CUX1: variants seen among roughly 807,000 people sequenced by gnomAD.
The protein encoded by CUX1 is cut like homeobox 1.
Under a neutral mutation model 158.8 loss-of-function variants are expected in CUX1, and 31 were observed. The ratio of observed to expected loss-of-function variants is 0.20; its 90% confidence interval spans 0.15 to 0.26. CUX1 has a LOEUF of 0.26. Ranked by LOEUF, CUX1 falls within the 10% of genes least tolerant of loss-of-function variation. The probability of loss-of-function intolerance (pLI) is 1.00; values close to 1 mark genes in which losing one functional copy is unlikely to be tolerated. For synonymous variants in CUX1, 879 were observed against 862.1 expected (o/e 1.02, Z -0.34); for missense variants, 1,589 against 2,014.6 (o/e 0.79, Z 4.04).
At chr7:102,282,956 A>G (rs1241542861) in intron 22 of CUX1, 3 of 966,632 alleles carry the variant, frequency 3.1e-6, no homozygotes, top group East Asian at 3.5e-5. Context: ...ACCCCATCAC[A>G]TGGTACACAC....
intron 4 of CUX1, among the ~76,000 whole-genome samples, chr7:102,082,738 C>G (rs1554479227): frequency 6.8e-6 from 1 of 147,254 alleles, no homozygotes; most frequent in Non-Finnish European, 1.5e-5. Context: ...TGGCCTCTTT[C>G]ACTCAGCGCG....
rs140940307 is a variant in CUX1, at chr7:102,031,927, C to CTT, written c.189+3795_189+3796dup. Among the ~76,000 whole-genome samples, 105 of 143,332 alleles carry CTT rather than the reference C, an allele frequency of 7.3e-4. 1 individual carries two copies. The South Asian group carries it at 9.5e-3, about 13-fold the overall frequency. 94.0% of individuals were successfully genotyped at this position (143,332 alleles called of 152,430 possible). A position where few individuals can be genotyped will look rare whatever the true frequency, so the allele number is the denominator to read the frequency against. ...TGACATTTATATTAAATAATTTGTA[C>CTT]TTTTTTTTTTTTTTGAGATGGGGTC... On this transcript the variant is annotated intron_variant, in intron 3 of 23. Coordinates refer to ENST00000292535, the MANE Select transcript of CUX1 (RefSeq NM_181552.4).
intron 1 of CUX1, among the ~76,000 whole-genome samples, chr7:101,884,117 A>C (rs187332130): frequency 5.9e-4 from 89 of 151,410 alleles, no homozygotes; most frequent in African/African-American, 2.1e-3. Flanking sequence ...CTGGTCGTGA[A>C]CTCCTGGCCA....
In CUX1 at chr7:102,208,174, G is replaced by A. The variant is rs192521695; in HGVS notation, c.3130+3004G>A. Among the ~76,000 whole-genome samples, 485 of 152,134 alleles carry A rather than the reference G, an allele frequency of 3.2e-3. 2 individuals are homozygous for A. Among genetic ancestry groups the A allele is most frequent in the African/African-American group, 0.011 (447 of 41,514 alleles). ...CTGCACTCCAAGCTGGGTGACAGAC[G>A]GAGACCCTGTCTCAAAAAAAAACAA... On this transcript the variant is annotated intron_variant, in intron 20 of 23. Coordinates refer to ENST00000292535, the MANE Select transcript of CUX1 (RefSeq NM_181552.4).
intron 3 of CUX1, among the ~76,000 whole-genome samples, chr7:102,054,405 T>C (rs1255377216): frequency 6.6e-6 from 1 of 152,244 alleles, no homozygotes; most frequent in African/African-American, 2.4e-5. Context: ...CAACATTTGT[T>C]GAAACACTGT....
At chr7:102,097,603 T>G in intron 5 of CUX1, 102 bp downstream of exon 5, 1 of 1,214,594 alleles carries the variant, frequency 8.2e-7, no homozygotes, top group South Asian at 1.6e-5. Flanking sequence ...GCTCTCCTTG[T>G]AATATACACG....
chr7:102,127,224 C>T (rs966953112), intron 8 of CUX1, among the ~76,000 whole-genome samples: 6 of 152,046 alleles, frequency 3.9e-5, no homozygotes, highest in African/African-American at 1.2e-4. Context: ...TTTCTTTTTA[C>T]GAGATAGGGT....
chr7:102,283,184 A>G lies in CUX1; in HGVS notation c.*94A>G, dbSNP rs568588886. On this transcript the variant is annotated 3_prime_UTR_variant, in exon 23 of 23. Coordinates refer to the CUX1 transcript ENST00000292538. ...CTTAGACTCCCCTGAAGAATCCCCC[A>G]TGGAAACTGCCCTTATCCGCTGTCC... 2.1e-4 allele frequency: 210 copies of G among 1,022,470 alleles called. No individual in the cohort carries two copies. The African/African-American group carries it at 2.8e-3, about 14-fold the overall frequency. The allele number at this position is 1,022,470 out of a possible 1,614,324, so 63.3% of individuals were successfully genotyped here. A position where few individuals can be genotyped will look rare whatever the true frequency, so the allele number is the denominator to read the frequency against.
intron 11 of CUX1, among the ~76,000 whole-genome samples, chr7:102,181,247 T>C (rs1396864142): frequency 6.6e-6 from 1 of 152,176 alleles, no homozygotes; most frequent in Non-Finnish European, 1.5e-5. Flanking sequence ...AGGTCATTTA[T>C]TTTGTCACCG....
intron 2 of CUX1, among the ~76,000 whole-genome samples, chr7:102,015,961 T>A (rs1354416660): frequency 1.3e-5 from 2 of 152,148 alleles, no homozygotes; most frequent in Non-Finnish European, 2.9e-5. Flanking sequence ...TACAGGCACA[T>A]GCCACTACAC....
intron 20 of CUX1, among the ~76,000 whole-genome samples, chr7:102,216,635 ACACACGCACACACACACACTCT>A (rs1797171938): frequency 1.7e-5 from 1 of 58,858 alleles, no homozygotes; most frequent in African/African-American, 5.6e-5. Flanking sequence ...ACACACCCCC[ACACACGCACACACACACACTCT>A]CCCACACACA....
intron 2 of CUX1, among the ~76,000 whole-genome samples, chr7:102,027,734 C>T (rs181673622): frequency 2.1e-4 from 32 of 152,182 alleles, no homozygotes; most frequent in African/African-American, 6.5e-4. Context: ...TGGTGGCGTA[C>T]GCCTGTAGTC....
intron 1 of CUX1, chr7:101,913,366 G>T: frequency 7.9e-7 from 1 of 1,263,478 alleles, no homozygotes; most frequent in Non-Finnish European, 1.0e-6. Flanking sequence ...GAGGGCCGCA[G>T]ACCCCCGTTG....
intron 2 of CUX1, among the ~76,000 whole-genome samples, chr7:101,946,199 G>A (rs1487388869): frequency 6.6e-6 from 1 of 152,176 alleles, no homozygotes; most frequent in African/African-American, 2.4e-5. Context: ...CTGGACCCGG[G>A]TCAGGAAGAG....
intron 2 of CUX1, among the ~76,000 whole-genome samples, chr7:102,023,983 A>G (rs1819698344): frequency 6.6e-6 from 1 of 152,248 alleles, no homozygotes; most frequent in Non-Finnish European, 1.5e-5. Flanking sequence ...TTATTTAAGG[A>G]CATGATAAAA....
At chr7:101,945,320 G>A (rs1018903287) in intron 2 of CUX1, among the ~76,000 whole-genome samples, 6 of 152,066 alleles carry the variant, frequency 3.9e-5, no homozygotes, top group Non-Finnish European at 7.3e-5. Flanking sequence ...CACCACCACC[G>A]AAACCACTCC....
chr7:102,223,862 G>A lies in CUX1; in HGVS notation c.3131-3505G>A, dbSNP rs562388583. ...CACGAACCTGTAATCCCAGCTACTC[G>A]GGAGGCAGAGGCAGGAGAATCGTTT... On this transcript the variant is annotated intron_variant, in intron 20 of 23. Transcript: ENST00000292535. 6.2e-4 allele frequency among the ~76,000 whole-genome samples: 94 copies of A among 152,208 alleles called. No individual in the cohort carries two copies. The South Asian group carries it at 9.1e-3, about 15-fold the overall frequency.
chr7:102,121,024 C>G (rs1324533057), intron 8 of CUX1, among the ~76,000 whole-genome samples: 3 of 152,172 alleles, frequency 2.0e-5, no homozygotes, highest in African/African-American at 7.2e-5. Flanking sequence ...GATTGCATCA[C>G]TGTACTCCAG....
intron 4 of CUX1, among the ~76,000 whole-genome samples, chr7:102,086,260 TC>T (rs1466965827): frequency 6.7e-6 from 1 of 149,326 alleles, no homozygotes; most frequent in Admixed American, 6.6e-5. Context: ...TTTTTTTTTT[TC>T]CTTGTTTTCA....
Sources: gnomAD v4.1 joint callset for allele counts (sites outside exome capture counted in the v4.1 genomes callset) on GRCh38, gnomAD v4.1.1 for gene constraint, MANE v1.5 for transcripts, NCBI Gene and HGNC (gene_info 2026-07-23, HGNC 2026-07-21) for gene names.